The following SNX10 variants were observed in gnomAD, a reference collection of about 807,000 sequenced individuals.
SNX10 encodes the protein sorting nexin-10.
A neutral mutation model predicts 28.5 loss-of-function variants in SNX10; 25 were observed. That is an observed-to-expected ratio of 0.88 (90% CI 0.64 to 1.22). The LOEUF is 1.22. Among genes scored for constraint, SNX10 ranks in the 50% most tolerant of loss-of-function variants. SNX10 has a pLI of 0.00. For synonymous variants in SNX10, 62 were observed against 81.4 expected (o/e 0.76, Z 1.28); for missense variants, 223 against 242.6 (o/e 0.92, Z 0.54).
intron 3 of SNX10, among the ~76,000 whole-genome samples, chr7:26,363,988 G>A (rs550023053): frequency 3.9e-5 from 6 of 152,256 alleles, no homozygotes; most frequent in South Asian, 4.1e-4. Context: ...TCTCTGGCTC[G>A]GACGGACACG....
chr7:26,335,735 CTTTTTTTTTT>C (rs57340085), intron 1 of SNX10, among the ~76,000 whole-genome samples: 13 of 84,252 alleles, frequency 1.5e-4, no homozygotes, highest in Admixed American at 8.6e-4. Flanking sequence ...ATGGAATATT[CTTTTTTTTTT>C]TTTTTTTTTT....
chr7:26,369,673 TTG>T (rs1278932968), intron 5 of SNX10, among the ~76,000 whole-genome samples: 14 of 152,300 alleles, frequency 9.2e-5, no homozygotes, highest in African/African-American at 3.4e-4. Context: ...CTCTTTGGAA[TTG>T]TGAGCTGGGT....
intron 1 of SNX10, among the ~76,000 whole-genome samples, chr7:26,312,440 G>T (rs1458105382): frequency 6.6e-6 from 1 of 152,130 alleles, no homozygotes; most frequent in Non-Finnish European, 1.5e-5. Flanking sequence ...ATAAGGAAAA[G>T]AACAGGAACT....
At chr7:26,315,458 G>C (rs1375310929) in intron 1 of SNX10, among the ~76,000 whole-genome samples, 1 of 152,040 alleles carries the variant, frequency 6.6e-6, no homozygotes, top group Non-Finnish European at 1.5e-5. Context: ...CACAAGGTCA[G>C]GAGATAGAGA....
rs1029057479 is a variant in SNX10, at chr7:26,364,970, C to T, written c.213-77C>T. 1.4e-5 allele frequency: 12 copies of T among 834,158 alleles called. No homozygotes were observed. In the Admixed American group the frequency reaches 2.0e-4, roughly 14 times the overall value. The allele number at this position is 834,158 out of a possible 1,614,324, so 51.7% of individuals were successfully genotyped here. ...ATAATAATCATCATACATAATTTGC[C>T]TTCACTTTGAGGGATTTCTGTAACA... On this transcript the variant is annotated intron_variant, in intron 4 of 6. Transcript: ENST00000338523. This position sits in a 1 kb window ranked among gnomAD's most constrained non-coding sequence, Gnocchi z 4.9.
chr7:26,295,078 G>A (rs1006426361), intron 1 of SNX10, among the ~76,000 whole-genome samples: 1 of 152,170 alleles, frequency 6.6e-6, no homozygotes, highest in Non-Finnish European at 1.5e-5. Flanking sequence ...TTTACTCAAG[G>A]CTTTGTGATT....
chr7:26,342,150 C>T (rs1476556314), intron 1 of SNX10, among the ~76,000 whole-genome samples: 2 of 152,014 alleles, frequency 1.3e-5, no homozygotes, highest in African/African-American at 4.8e-5. Flanking sequence ...CCTCAGCCTC[C>T]CAAGTAGCTG....
chr7:26,298,137 A>C (rs1429517178), intron 1 of SNX10, among the ~76,000 whole-genome samples: 1 of 152,136 alleles, frequency 6.6e-6, no homozygotes, highest in East Asian at 1.9e-4. Flanking sequence ...CAAGAGAATC[A>C]CTTGAACTCG....
intron 1 of SNX10, among the ~76,000 whole-genome samples, chr7:26,311,213 G>A (rs1171277966): frequency 1.3e-5 from 2 of 152,148 alleles, no homozygotes; most frequent in African/African-American, 2.4e-5. Flanking sequence ...TGCAGTGTCA[G>A]GATCTCAGCT....
intron 1 of SNX10, among the ~76,000 whole-genome samples, chr7:26,295,160 G>C (rs1020205446): frequency 6.6e-6 from 1 of 152,084 alleles, no homozygotes; most frequent in African/African-American, 2.4e-5. Context: ...CTTGCCTCTG[G>C]GGACAGGGAA....
chr7:26,300,208 C>A (rs1309041365), intron 1 of SNX10, among the ~76,000 whole-genome samples: 1 of 151,868 alleles, frequency 6.6e-6, no homozygotes, highest in Admixed American at 6.6e-5. Context: ...GAGACTCTGT[C>A]TCAAAAATAA....
At chr7:26,331,446 C>T (rs962692567) in intron 1 of SNX10, among the ~76,000 whole-genome samples, 9 of 152,116 alleles carry the variant, frequency 5.9e-5, no homozygotes, top group South Asian at 4.1e-4. Flanking sequence ...ATTAGCTGGG[C>T]ATGGTGGCCC....
chr7:26,367,346 A>G (rs1037040639), intron 5 of SNX10, among the ~76,000 whole-genome samples: 2 of 152,188 alleles, frequency 1.3e-5, no homozygotes, highest in South Asian at 2.1e-4. Context: ...GGCTAGATTC[A>G]TTAACACTGA....
At chr7:26,353,183 G>T (rs1025231800) in intron 2 of SNX10, among the ~76,000 whole-genome samples, 1 of 152,136 alleles carries the variant, frequency 6.6e-6, no homozygotes, top group Non-Finnish European at 1.5e-5. Context: ...TCATCATTCA[G>T]TACCACCAGA....
intron 1 of SNX10, among the ~76,000 whole-genome samples, chr7:26,295,223 C>CT (rs952715945): frequency 2.0e-4 from 29 of 148,252 alleles, no homozygotes; most frequent in Admixed American, 2.0e-4. Flanking sequence ...GTCATTTTTA[C>CT]TTTTTTTTTT....
intron 2 of SNX10, 83 bp downstream of exon 2, chr7:26,346,549 C>T: frequency 9.4e-7 from 1 of 1,061,334 alleles, no homozygotes; most frequent in Non-Finnish European, 1.5e-6. Context: ...ACCATAAACC[C>T]ATGGGTTGCT....
intron 1 of SNX10, among the ~76,000 whole-genome samples, chr7:26,294,059 A>G (rs1238987182): frequency 6.6e-6 from 1 of 152,180 alleles, no homozygotes; most frequent in African/African-American, 2.4e-5. Context: ...TTTCACAACC[A>G]CTTGGTGAAA....
At chr7:26,353,112 A>G (rs560788828) in intron 2 of SNX10, among the ~76,000 whole-genome samples, 6 of 152,336 alleles carry the variant, frequency 3.9e-5, no homozygotes, top group African/African-American at 1.2e-4. Flanking sequence ...TGTAAAAGGC[A>G]GGTCTAGCTA....
intron 1 of SNX10, among the ~76,000 whole-genome samples, chr7:26,330,424 A>T (rs1338918293): frequency 6.6e-6 from 1 of 152,092 alleles, no homozygotes; most frequent in Non-Finnish European, 1.5e-5. Context: ...AGAGGGGAGC[A>T]CATGAGGATT....
Sources: gnomAD v4.1 joint callset for allele counts (sites outside exome capture counted in the v4.1 genomes callset) on GRCh38, gnomAD v4.1.1 for gene constraint, Gnocchi (gnomAD v3.1) non-coding constraint, MANE v1.5 for transcripts, NCBI Gene and HGNC (gene_info 2026-07-23, HGNC 2026-07-21) for gene names.